The following RIOK1 variants were observed in gnomAD, a reference collection of about 807,000 sequenced individuals.
The protein encoded by RIOK1 is serine/threonine-protein kinase RIO1.
In RIOK1, 66 loss-of-function variants were observed where a neutral mutation model predicts 73.5. The observed-to-expected ratio is 0.90, with a 90% CI of 0.74 to 1.10. RIOK1 has a LOEUF of 1.10. Among genes scored for constraint, RIOK1 ranks in the 50% least tolerant of loss-of-function variants. The pLI is 0.00. For synonymous variants in RIOK1, 224 were observed against 226.8 expected (o/e 0.99, Z 0.11); for missense variants, 658 against 699.8 (o/e 0.94, Z 0.67).
chr6:7,404,916 A>G lies in RIOK1; in HGVS notation c.993-2A>G. 1 of 1,611,922 alleles carries G rather than the reference A, an allele frequency of 6.2e-7. No homozygotes were observed. The highest frequency in any genetic ancestry group is 8.5e-7 in the Non-Finnish European group (1 of 1,178,094). On this transcript the variant is annotated splice_acceptor_variant, in intron 10 of 16. Coordinates refer to ENST00000379834, the MANE Select transcript of RIOK1 (RefSeq NM_031480.3). LOFTEE classifies it high-confidence loss of function. ...CACAGCTTCTGTGTCTCTGGCCCAT[A>G]GGTACCACGGTGGAGGCGTGTATAT...
chr6:7,400,849 G>GTTAT, intron 5 of RIOK1, 109 bp from the exon 6 acceptor site: 1 of 642,508 alleles, frequency 1.6e-6, no homozygotes, highest in South Asian at 1.9e-5. Flanking sequence ...TAGTCAACCA[G>GTTAT]GATAGCGTCG....
chr6:7,396,694 G>A lies in RIOK1; in HGVS notation c.368-9G>A, dbSNP rs770991252. ...ATATTGTTTACATTGTGGGTTTCTTGTATTTTAGATAAGCTAAATGTTACT... is the reference window on the plus strand; with the variant it reads ...ATATTGTTTACATTGTGGGTTTCTTATATTTTAGATAAGCTAAATGTTACT... On this transcript the variant is annotated splice_polypyrimidine_tract_variant and intron_variant, in intron 3 of 16. Coordinates refer to ENST00000379834, the MANE Select transcript of RIOK1 (RefSeq NM_031480.3). The A allele has an allele frequency of 6.4e-7, 1 of 1,572,702 alleles. No individual in the cohort carries two copies. Among genetic ancestry groups the A allele is most frequent in the Non-Finnish European group, 8.7e-7 (1 of 1,146,520 alleles).
chr6:7,393,430 T>C, intron 2 of RIOK1, 127 bp downstream of exon 2: 4 of 734,502 alleles, frequency 5.4e-6, no homozygotes, highest in Non-Finnish European at 9.1e-6. Flanking sequence ...TCCTGTAGCC[T>C]CAGCCTTTAC....
intron 6 of RIOK1, among the ~76,000 whole-genome samples, chr6:7,401,915 G>T (rs1246916771): frequency 6.6e-6 from 1 of 151,870 alleles, no homozygotes; most frequent in East Asian, 1.9e-4. Context: ...TTGGCCTGAA[G>T]TGATTCACCC....
chr6:7,390,465 A>G (rs765588527), intron 1 of RIOK1, among the ~76,000 whole-genome samples: 1 of 152,252 alleles, frequency 6.6e-6, no homozygotes, highest in African/African-American at 2.4e-5. Flanking sequence ...TCCTGCTGTC[A>G]TGGAACTTTA....
Position 7,393,320 on chromosome 6 carries a change from C to A in RIOK1, c.276+17C>A. The A allele has an allele frequency of 6.2e-7, 1 of 1,607,526 alleles. No homozygotes were observed. On this transcript the variant is annotated intron_variant, in intron 2 of 16. Transcript: ENST00000379834. ...AACCCACAGGTATTTTATAAAGGATCCTGCACATCTTTATGTAGTCTGCTT... is the reference window on the plus strand; with the variant it reads ...AACCCACAGGTATTTTATAAAGGATACTGCACATCTTTATGTAGTCTGCTT...
intron 12 of RIOK1, among the ~76,000 whole-genome samples, chr6:7,408,334 G>T (rs971124140): frequency 6.6e-6 from 1 of 152,180 alleles, no homozygotes; most frequent in African/African-American, 2.4e-5. Context: ...GCCTTGCCTG[G>T]CCAGGTCTTC....
chr6:7,393,118 ACAGT>A lies in RIOK1; in HGVS notation c.94_97del (p.Val32LysfsTer15). On this transcript the variant is annotated frameshift_variant, in exon 2 of 17. Coordinates refer to ENST00000379834, the MANE Select transcript of RIOK1 (RefSeq NM_031480.3). LOFTEE classifies it high-confidence loss of function. ...TTCTAGTGAAAACAGAGACTTGAAG[ACAGT>A]CAAAGAGAAGGATGACATTCTGTTT... The A allele has an allele frequency of 3.7e-6, 6 of 1,613,796 alleles. No individual in the cohort carries two copies. Among genetic ancestry groups the A allele is most frequent in the Non-Finnish European group, 4.2e-6 (5 of 1,179,708 alleles).
rs146547723 is a variant in RIOK1 at position 7,406,942 on chromosome 6, A to C, written c.1203+1587A>C. On this transcript the variant is annotated intron_variant, in intron 12 of 16. Coordinates refer to ENST00000379834, the MANE Select transcript of RIOK1 (RefSeq NM_031480.3). ...CTCCCGAAGTGCTGGGATTGCAGAC[A>C]TGAGTCACCACGCCTGGCCTAGGAT... 1.1e-3 allele frequency among the ~76,000 whole-genome samples: 163 copies of C among 152,368 alleles called. No individual in the cohort carries two copies. The East Asian group carries it at 0.024, about 22-fold the overall frequency.
In RIOK1 at chr6:7,408,354, C is replaced by A. The variant is rs183370215; in HGVS notation, c.1204-2032C>A. ...GCCTGGCCAGGTCTTCAGGTTTTAT[C>A]CTGTCCTTTCCTCTTTTTCCATTTC... On this transcript the variant is annotated intron_variant, in intron 12 of 16. Coordinates refer to ENST00000379834, the MANE Select transcript of RIOK1 (RefSeq NM_031480.3). 2.7e-4 allele frequency among the ~76,000 whole-genome samples: 41 copies of A among 152,234 alleles called. 1 individual carries two copies. The highest frequency in any genetic ancestry group is 3.4e-3 in the Middle Eastern group (1 of 294).
At chr6:7,401,146 A>G (rs1761600723) in intron 6 of RIOK1, 96 bp downstream of exon 6, 1 of 753,942 alleles carries the variant, frequency 1.3e-6, no homozygotes, top group African/African-American at 1.8e-5. Context: ...TTAAGAAGAA[A>G]GAAAAACAAA....
chr6:7,410,353 A>G lies in RIOK1; in HGVS notation c.1204-33A>G, dbSNP rs559493370. 9.9e-6 allele frequency: 15 copies of G among 1,520,704 alleles called. No homozygotes were observed. In the South Asian group the frequency reaches 1.6e-4, roughly 16 times the overall value. 94.2% of individuals were successfully genotyped at this position (1,520,704 alleles called of 1,614,324 possible). A position where few individuals can be genotyped will look rare whatever the true frequency, so the allele number is the denominator to read the frequency against. ...TGGATGTGCCTTCTGCAGTTTGAAT[A>G]TAAAAGAAAGTCATTTTTGTTTTCT... On this transcript the variant is annotated intron_variant, in intron 12 of 16. Coordinates refer to ENST00000379834, the MANE Select transcript of RIOK1 (RefSeq NM_031480.3).
Position 7,402,648 on chromosome 6 carries a change from A to C in RIOK1, c.619A>C (p.Ile207Leu). 6.2e-7 allele frequency: 1 copy of C among 1,613,096 alleles called. No individual in the cohort carries two copies. The highest frequency in any genetic ancestry group is 8.5e-7 in the Non-Finnish European group (1 of 1,179,370). Residue 207 changes from isoleucine to leucine, a missense_variant, in exon 7 of 17, where the codon ATC becomes CTC. Transcript: ENST00000379834. ...CACAGCAAATGGAGAGAGCAGAGCA[A>C]TCAAAATTTATAAAACTTCTATTTT... ...ASTANGESRA[I>L]KIYKTSILVF... is the part of the protein sequence containing the mutation.
At chr6:7,396,457 T>G (rs1761477542) in intron 3 of RIOK1, among the ~76,000 whole-genome samples, 1 of 152,216 alleles carries the variant, frequency 6.6e-6, no homozygotes, top group African/African-American at 2.4e-5. Context: ...AATTTCTGCA[T>G]CTAGAATTCT....
intron 5 of RIOK1, 116 bp downstream of exon 5, chr6:7,398,856 A>G (rs752969411): frequency 1.6e-5 from 12 of 765,852 alleles, no homozygotes; most frequent in East Asian, 8.3e-5. Flanking sequence ...AATTACTCCT[A>G]TATAAAATTA....
intron 14 of RIOK1, 183 bp downstream of exon 14, chr6:7,411,634 T>C: frequency 1.8e-6 from 1 of 568,380 alleles, no homozygotes; most frequent in Non-Finnish European, 3.1e-6. Flanking sequence ...ATTTGGAATT[T>C]ATGAGAGGAG....
At chr6:7,396,892 G>GGGGT (rs1554141229) in intron 4 of RIOK1, 120 bp downstream of exon 4, 7 of 415,786 alleles carry the variant, frequency 1.7e-5, no homozygotes, top group Middle Eastern at 6.2e-4. Flanking sequence ...TCATTATTTT[G>GGGGT]GTGTGTGTGT....
intron 5 of RIOK1, among the ~76,000 whole-genome samples, chr6:7,399,965 G>A (rs945943826): frequency 6.6e-5 from 10 of 152,156 alleles, no homozygotes; most frequent in East Asian, 3.8e-4. Context: ...TTATAATACC[G>A]TCTCACCCCA....
At chr6:7,391,282 G>C (rs1265130314) in intron 1 of RIOK1, among the ~76,000 whole-genome samples, 1 of 152,184 alleles carries the variant, frequency 6.6e-6, no homozygotes, top group Non-Finnish European at 1.5e-5. Flanking sequence ...GAATGACACA[G>C]AGCTTGCACC....
Sources: allele counts gnomAD v4.1 joint callset (sites outside exome capture counted in the v4.1 genomes callset), GRCh38; gene constraint gnomAD v4.1.1; transcripts MANE v1.5; gene names NCBI Gene and HGNC (gene_info 2026-07-23, HGNC 2026-07-21).